The following SLITRK6 variants were observed in gnomAD, a reference collection of about 807,000 sequenced individuals.
The protein encoded by SLITRK6 is SLIT and NTRK like family member 6, also known as SLIT and NTRK-like protein 6.
A neutral mutation model predicts 55.6 loss-of-function variants in SLITRK6; 35 were observed. That is an observed-to-expected ratio of 0.63 (90% confidence interval 0.48 to 0.83). The LOEUF (loss-of-function observed/expected upper bound fraction) is 0.83, where lower values mean the gene tolerates loss of function less well. Ranked by LOEUF, SLITRK6 falls within the 40% of genes least tolerant of loss-of-function variation. SLITRK6 has a pLI of 0.00. For synonymous variants in SLITRK6, 392 were observed against 359.6 expected, an observed-to-expected ratio of 1.09 and a Z score of -1.02; for missense variants, 977 against 986.4, an observed-to-expected ratio of 0.99 and a Z score of 0.13.
chr13:85,796,638 G>A (rs1042933135), intron 1 of SLITRK6, 106 bp from the exon 2 acceptor site: 2 of 886,598 alleles, frequency 2.3e-6, no homozygotes, highest in Admixed American at 3.4e-5. Flanking sequence ...AGCAAATGAC[G>A]GATTACCATG....
intron 1 of SLITRK6, among the ~76,000 whole-genome samples, chr13:85,797,783 C>A (rs929832949): frequency 2.6e-5 from 4 of 151,840 alleles, no homozygotes; most frequent in Non-Finnish European, 5.9e-5. Flanking sequence ...GACAGTTATG[C>A]AAGGTAAACA....
rs1874652340 is a variant in SLITRK6 at position 85,794,762 on chromosome 13, T to C, written c.1747A>G (p.Met583Val). The C allele has an allele frequency of 4.3e-6, 7 of 1,613,240 alleles. No homozygotes were observed. The highest frequency in any genetic ancestry group is 5.9e-6 in the Non-Finnish European group (7 of 1,179,526). Reference protein sequence around the residue: ...PSMPTQTSYLMVTTPATTTNT... With the variant: ...PSMPTQTSYLVVTTPATTTNT... The stretch of plus-strand genomic sequence containing the variant: ...GTTGTTGTTGCAGGAGTGGTGACCA[T>C]AAGGTAACTAGTCTGTGTTGGCATG... The change falls in exon 2 of 2, where the codon ATG becomes GTG. Residue 583 changes from methionine (M) to valine (V), a missense_variant. By Grantham distance (21) the Met-to-Val change is conservative. Coordinates refer to ENST00000647374, the MANE Select transcript of SLITRK6 (RefSeq NM_032229.3).
In SLITRK6 at chr13:85,796,384, C is replaced by T. The variant is rs1176878721; in HGVS notation, c.125G>A (p.Gly42Asp). Residue 42 changes from glycine (G) to aspartate (D), a missense_variant, in exon 2 of 2, where the codon GGC becomes GAC. By Grantham distance (94) the Gly-to-Asp change is moderately conservative. Coordinates refer to ENST00000647374, the MANE Select transcript of SLITRK6 (RefSeq NM_032229.3). ...DSLCNCEEKD[G>D]TMLINCEAKG... The stretch of plus-strand genomic sequence containing the variant: ...TGCTTCACAATTTATTAGCATTGTG[C>T]CATCTTTTTCCTCACAATTGCAAAG... 6.2e-7 allele frequency: 1 copy of T among 1,612,570 alleles called. No individual in the cohort carries two copies. The highest frequency in any genetic ancestry group is 8.5e-7 in the Non-Finnish European group (1 of 1,179,162).
At position 85,796,512 on chromosome 13, in the gene SLITRK6, G is replaced by T; in HGVS notation, c.-4C>A. 6.6e-7 allele frequency: 1 copy of T among 1,518,858 alleles called. No homozygotes were observed. The highest frequency in any genetic ancestry group is 8.8e-7 in the Non-Finnish European group (1 of 1,138,126). The allele number at this position is 1,518,858 out of a possible 1,614,324, so 94.1% of individuals were successfully genotyped here. On this transcript the variant is annotated 5_prime_UTR_variant, in exon 2 of 2. Coordinates refer to ENST00000647374, the MANE Select transcript of SLITRK6 (RefSeq NM_032229.3). The stretch of plus-strand genomic sequence containing the variant: ...AGAGATGAATCCACAGCTTCATGTT[G>T]TCATGTGATGAAATCCGATTCTGTA...
Position 85,795,964 on chromosome 13 carries a change from A to G in SLITRK6, c.545T>C (p.Phe182Ser). Residue 182 changes from phenylalanine (F) to serine (S), a missense_variant, in exon 2 of 2, where the codon TTT becomes TCT. Phe to Ser is a radical substitution (Grantham distance 155). Coordinates refer to ENST00000647374, the MANE Select transcript of SLITRK6 (RefSeq NM_032229.3). ...IESLPPNIFR[F>S]VPLTHLDLRG... is the part of the protein sequence containing the mutation. ...AAGATCTAGATGGGTTAAAGGAACA[A>G]ATCGGAAGATGTTTGGAGGAAGACT... 6.2e-7 allele frequency: 1 copy of G among 1,613,086 alleles called. No homozygotes were observed. The highest frequency in any genetic ancestry group is 8.5e-7 in the Non-Finnish European group (1 of 1,179,420).
In SLITRK6 at chr13:85,793,761, C is replaced by G. The variant is rs1403206668; in HGVS notation, c.*222G>C. 6.7e-6 allele frequency: 3 copies of G among 445,232 alleles called. No homozygotes were observed. The highest frequency in any genetic ancestry group is 1.2e-5 in the Non-Finnish European group (3 of 256,724). The allele number at this position is 445,232 out of a possible 1,614,324, so 27.6% of individuals were successfully genotyped here. A position where few individuals can be genotyped will look rare whatever the true frequency, so the allele number is the denominator to read the frequency against. ...CTATAATCCTTGAATGATTTACATG[C>G]AAGGATTTATTTTATTTGGGACAGA... On this transcript the variant is annotated 3_prime_UTR_variant, in exon 2 of 2. Transcript: ENST00000647374.
At chr13:85,796,687 C>CTT (rs745384946) in intron 1 of SLITRK6, among the ~76,000 whole-genome samples, 155 bp from the exon 2 acceptor site, 7 of 145,642 alleles carry the variant, frequency 4.8e-5, no homozygotes, top group African/African-American at 1.8e-4. Context: ...TCATTTGTTT[C>CTT]TTTTTTTTTT....
rs1874604596 is a variant in SLITRK6 at position 85,793,481 on chromosome 13, A to G, written c.*502T>C. 6.6e-6 allele frequency: 1 copy of G among 152,464 alleles called. No homozygotes were observed. Among genetic ancestry groups the G allele is most frequent in the South Asian group, 2.1e-4 (1 of 4,832 alleles). 9.4% of individuals were successfully genotyped at this position (152,464 alleles called of 1,614,324 possible). On this transcript the variant is annotated 3_prime_UTR_variant, in exon 2 of 2. Coordinates refer to ENST00000647374, the MANE Select transcript of SLITRK6 (RefSeq NM_032229.3). ...TTACTATTTATAATTGTCAAGTTCC[A>G]GTTTCTTTTGCATTTATTGCAAGAA...
In SLITRK6 at chr13:85,795,306, A is replaced by G; in HGVS notation, c.1203T>C (p.Val401=). The G allele has an allele frequency of 6.2e-7, 1 of 1,612,786 alleles. No homozygotes were observed. The highest frequency in any genetic ancestry group is 8.5e-7 in the Non-Finnish European group (1 of 1,179,334). ...GGTTCATAAACGATCCTTCTTCAAG[A>G]ACTTCAATACGATTGTTTCCCAAGT... ...MLHLGNNRIE[V]LEEGSFMNLT... is the part of the protein sequence containing the mutation. The change falls in exon 2 of 2, where the codon GTT becomes GTC. Residue 401 remains valine, a synonymous_variant. Coordinates refer to ENST00000647374, the MANE Select transcript of SLITRK6 (RefSeq NM_032229.3).
In SLITRK6 at chr13:85,795,700, G is replaced by T. The variant is rs1174946204; in HGVS notation, c.809C>A (p.Pro270Gln). 6.2e-7 allele frequency: 1 copy of T among 1,612,958 alleles called. No homozygotes were observed. Among genetic ancestry groups the T allele is most frequent in the African/African-American group, 1.3e-5 (1 of 74,936 alleles). ...RLKKESICPTPPVYEEHEDPS... is the reference protein window; with the variant it reads ...RLKKESICPTQPVYEEHEDPS... ...ATCCTCATGTTCTTCATACACTGGT[G>T]GAGTAGGGCAAATAGATTCCTTCTT... Residue 270 changes from proline (P) to glutamine (Q), a missense_variant, in exon 2 of 2, where the codon CCA (proline) becomes CAA (glutamine). Transcript: ENST00000647374.
In SLITRK6 at chr13:85,799,394, G is replaced by T. The variant is rs1874814437; in HGVS notation, c.-505C>A. 6.6e-6 allele frequency: 1 copy of T among 151,980 alleles called. No individual in the cohort carries two copies. Among genetic ancestry groups the T allele is most frequent in the South Asian group, 2.1e-4 (1 of 4,828 alleles). 9.4% of individuals were successfully genotyped at this position (151,980 alleles called of 1,614,324 possible). A position where few individuals can be genotyped will look rare whatever the true frequency, so the allele number is the denominator to read the frequency against. ...TTTGTTATTAGTCAGATTGCCAAGG[G>T]CTGGGAGGTAGGCGTAAATAAAGAG... is the stretch of plus-strand genomic sequence containing the variant. On this transcript the variant is annotated 5_prime_UTR_variant, in exon 1 of 2. Coordinates refer to ENST00000647374, the MANE Select transcript of SLITRK6 (RefSeq NM_032229.3).
At position 85,799,260 on chromosome 13, in the gene SLITRK6, C is replaced by G. The variant is rs181656703; in HGVS notation, c.-371G>C. ...CAAGCTGCTGAATGCAGTAAGTAAA[C>G]AAGATGTTTAACAGAGCTGAGATTG... is the stretch of plus-strand genomic sequence containing the variant. On this transcript the variant is annotated 5_prime_UTR_variant, in exon 1 of 2. Coordinates refer to ENST00000647374, the MANE Select transcript of SLITRK6 (RefSeq NM_032229.3). 2.0e-5 allele frequency: 3 copies of G among 152,134 alleles called. No individual in the cohort carries two copies. The highest frequency in any genetic ancestry group is 1.5e-5 in the Non-Finnish European group (1 of 68,006). The allele number at this position is 152,134 out of a possible 1,614,324, so 9.4% of individuals were successfully genotyped here.
At position 85,795,715 on chromosome 13, in the gene SLITRK6, G is replaced by T; in HGVS notation, c.794C>A (p.Ser265Tyr). ...ATACACTGGTGGAGTAGGGCAAATA[G>T]ATTCCTTCTTTAGTCTACTGAGTAT... The part of the protein sequence containing the change: ...GSILSRLKKE[S>Y]ICPTPPVYEE... The change falls in exon 2 of 2, where the codon TCT (serine) becomes TAT (tyrosine). Residue 265 changes from serine to tyrosine, a missense_variant. By Grantham distance (144) the Ser-to-Tyr change is moderately radical. Transcript: ENST00000647374. 6.2e-7 allele frequency: 1 copy of T among 1,612,932 alleles called. No homozygotes were observed. Among genetic ancestry groups the T allele is most frequent in the Non-Finnish European group, 8.5e-7 (1 of 1,179,352 alleles).
At chr13:85,798,563 G>C (rs1017933649) in intron 1 of SLITRK6, among the ~76,000 whole-genome samples, 1 of 151,984 alleles carries the variant, frequency 6.6e-6, no homozygotes. Context: ...CATACAAAAT[G>C]CAAAGAATTA....
chr13:85,794,464 A>G lies in SLITRK6; in HGVS notation c.2045T>C (p.Met682Thr), dbSNP rs1196533006. Residue 682 changes from methionine (M) to threonine (T), a missense_variant, in exon 2 of 2, where the codon ATG becomes ACG. Transcript: ENST00000647374. ...RPSASLYEQHMVSPMVHVYRS... is the reference protein window; with the variant it reads ...RPSASLYEQHTVSPMVHVYRS... Reference sequence around the variant, plus strand: ...ATAGACATGAACCATGGGGCTCACCATGTGCTGTTCATAGAGTGAGGCAGA... The same window carrying G: ...ATAGACATGAACCATGGGGCTCACCGTGTGCTGTTCATAGAGTGAGGCAGA... 7 of 1,613,322 alleles carry G rather than the reference A, an allele frequency of 4.3e-6. No homozygotes were observed. The South Asian group carries it at 5.5e-5, about 13-fold the overall frequency.
Position 85,794,925 on chromosome 13 carries a change from C to G in SLITRK6, c.1584G>C (p.Leu528=). ...TGCTTAACTTTTGTATCCATTGCTGCAGTCCAACCAGGTCACAGGAGCAGT... is the reference window on the plus strand; with the variant it reads ...TGCTTAACTTTTGTATCCATTGCTGGAGTCCAACCAGGTCACAGGAGCAGT... ...PWDCSCDLVG[L]QQWIQKLSKN... The change falls in exon 2 of 2, where the codon CTG becomes CTC. Residue 528 remains leucine, a synonymous_variant. Coordinates refer to ENST00000647374, the MANE Select transcript of SLITRK6 (RefSeq NM_032229.3). The G allele has an allele frequency of 2.5e-6, 4 of 1,613,056 alleles. No homozygotes were observed. The highest frequency in any genetic ancestry group is 3.4e-6 in the Non-Finnish European group (4 of 1,179,484).
chr13:85,794,367 T>C lies in SLITRK6; in HGVS notation c.2142A>G (p.Ala714=). Residue 714 remains alanine (A), a synonymous_variant, in exon 2 of 2, where the codon GCA becomes GCG. Coordinates refer to ENST00000647374, the MANE Select transcript of SLITRK6 (RefSeq NM_032229.3). ...EERNEKEGSD[A]KHLQRSLLEQ... Reference sequence around the variant, plus strand: ...CCAAAAGACTTCTTTGGAGATGTTTTGCATCACTTCCTTCTTTCTCATTCC... The same window carrying C: ...CCAAAAGACTTCTTTGGAGATGTTTCGCATCACTTCCTTCTTTCTCATTCC... The C allele has an allele frequency of 6.2e-7, 1 of 1,613,316 alleles. No homozygotes were observed. Among genetic ancestry groups the C allele is most frequent in the Non-Finnish European group, 8.5e-7 (1 of 1,179,544 alleles).
chr13:85,798,924 G>A lies in SLITRK6; in HGVS notation c.-35C>T, dbSNP rs893406890. ...AAACATTCATCTTACCTGTAAAGCA[G>A]AGACTCTTCCTGACGTTATCTGTAA... On this transcript the variant is annotated 5_prime_UTR_variant, in exon 1 of 2. Coordinates refer to ENST00000647374, the MANE Select transcript of SLITRK6 (RefSeq NM_032229.3). 6.6e-6 allele frequency: 1 copy of A among 151,834 alleles called. No individual in the cohort carries two copies. The highest frequency in any genetic ancestry group is 6.6e-5 in the Admixed American group (1 of 15,162). 9.4% of individuals were successfully genotyped at this position (151,834 alleles called of 1,614,324 possible). A position where few individuals can be genotyped will look rare whatever the true frequency, so the allele number is the denominator to read the frequency against.
Position 85,794,725 on chromosome 13 carries a change from T to G in SLITRK6, c.1784A>C (p.Asp595Ala). ...TTPATTTNTA[D>A]TILRSLTDAV... ...GTCCGTAAGAGATCGTAAAATAGTA[T>G]CAGCCGTATTTGTTGTTGTTGCAGG... Residue 595 changes from aspartate to alanine, a missense_variant, in exon 2 of 2, where the codon GAT becomes GCT. By Grantham distance (126) the Asp-to-Ala change is moderately radical (BLOSUM62 -2). Transcript: ENST00000647374. 6.2e-7 allele frequency: 1 copy of G among 1,613,222 alleles called. No homozygotes were observed. Among genetic ancestry groups the G allele is most frequent in the Non-Finnish European group, 8.5e-7 (1 of 1,179,514 alleles).
Sources: allele counts gnomAD v4.1 joint callset (sites outside exome capture counted in the v4.1 genomes callset), GRCh38; gene constraint gnomAD v4.1.1; transcripts MANE v1.5; gene names NCBI Gene and HGNC (gene_info 2026-07-23, HGNC 2026-07-21).